Variants in CGNL1 observed in about 807,000 individuals in gnomAD.
CGNL1 encodes the protein cingulin-like protein 1.
In CGNL1, 132 loss-of-function variants were observed where a neutral mutation model predicts 141.2. That is an observed-to-expected ratio of 0.93 (90% confidence interval 0.81 to 1.08). The LOEUF is 1.08. Among genes scored for constraint, CGNL1 ranks in the 50% least tolerant of loss-of-function variants. The pLI, the probability that CGNL1 is intolerant of heterozygous loss-of-function variation, is 0.00. For synonymous variants in CGNL1, 690 were observed against 622.1 expected (o/e 1.11, Z -1.63); for missense variants, 1,870 against 1,588.6 (o/e 1.18, Z -3.01).
intron 1 of CGNL1, among the ~76,000 whole-genome samples, chr15:57,395,426 C>T (rs2062591643): frequency 6.6e-6 from 1 of 152,264 alleles, no homozygotes; most frequent in African/African-American, 2.4e-5. Context: ...ACCTCAGCAG[C>T]AGCATAACTA....
intron 1 of CGNL1, among the ~76,000 whole-genome samples, chr15:57,430,835 C>T (rs941962625): frequency 6.6e-6 from 1 of 152,236 alleles, no homozygotes; most frequent in Admixed American, 6.5e-5. Context: ...TTCTCCCTGC[C>T]TCAGCCTCCC....
chr15:57,406,776 C>G (rs1018286081), intron 1 of CGNL1, among the ~76,000 whole-genome samples: 4 of 152,180 alleles, frequency 2.6e-5, no homozygotes, highest in African/African-American at 9.6e-5. Context: ...AGTGAGTGTA[C>G]TGAATTATTT....
chr15:57,514,395 G>T (rs144129852), intron 8 of CGNL1, among the ~76,000 whole-genome samples: 1 of 152,102 alleles, frequency 6.6e-6, no homozygotes, highest in Non-Finnish European at 1.5e-5. Context: ...CAAGTGATCC[G>T]CCTGCCTGGG....
chr15:57,475,459 C>T (rs1048328051), intron 8 of CGNL1, among the ~76,000 whole-genome samples: 16 of 151,832 alleles, frequency 1.1e-4, no homozygotes, highest in African/African-American at 3.9e-4. Context: ...TCATGTCACT[C>T]TGAGAAACTG....
At chr15:57,488,741 C>G (rs118030743) in intron 8 of CGNL1, among the ~76,000 whole-genome samples, 3,064 of 152,340 alleles carry the variant, frequency 0.02, 38 homozygotes, top group Non-Finnish European at 0.028. Context: ...AGAAGCTAAA[C>G]AGGCCCTTAA....
At chr15:57,450,692 C>T (rs1239379501) in intron 4 of CGNL1, among the ~76,000 whole-genome samples, 6 of 152,172 alleles carry the variant, frequency 3.9e-5, no homozygotes, top group Non-Finnish European at 5.9e-5. Flanking sequence ...GGGGCTACCT[C>T]CTGTCTTTTC....
At chr15:57,418,697 G>C (rs1208765161) in intron 1 of CGNL1, among the ~76,000 whole-genome samples, 3 of 152,300 alleles carry the variant, frequency 2.0e-5, no homozygotes, top group Middle Eastern at 3.4e-3. Flanking sequence ...TTATGTACCT[G>C]TGATGTGATG....
intron 7 of CGNL1, among the ~76,000 whole-genome samples, chr15:57,461,355 G>A (rs2063443886): frequency 6.6e-6 from 1 of 152,174 alleles, no homozygotes; most frequent in Non-Finnish European, 1.5e-5. Context: ...AAGGGCAACA[G>A]ATCACTGCAC....
At chr15:57,420,031 G>T (rs1381964856) in intron 1 of CGNL1, among the ~76,000 whole-genome samples, 1 of 152,182 alleles carries the variant, frequency 6.6e-6, no homozygotes, top group Non-Finnish European at 1.5e-5. Context: ...GCCATTGGGA[G>T]ATCTTTTAGT....
intron 7 of CGNL1, 62 bp downstream of exon 7, chr15:57,453,880 G>C (rs948967872): frequency 6.3e-7 from 1 of 1,596,956 alleles, no homozygotes; most frequent in Admixed American, 1.7e-5. Flanking sequence ...AGATGGAGTG[G>C]CTAGGGTTTG....
chr15:57,396,517 C>T (rs1433769849), intron 1 of CGNL1, among the ~76,000 whole-genome samples: 1 of 151,986 alleles, frequency 6.6e-6, no homozygotes, highest in Non-Finnish European at 1.5e-5. Context: ...AAGTGATCTT[C>T]CTGCCTTGGC....
At chr15:57,430,178 G>A (rs2063027826) in intron 1 of CGNL1, among the ~76,000 whole-genome samples, 1 of 152,218 alleles carries the variant, frequency 6.6e-6, no homozygotes, top group Non-Finnish European at 1.5e-5. Flanking sequence ...ATCACTGACA[G>A]TCTGACTTTA....
At chr15:57,455,986 G>A (rs1182148553) in intron 7 of CGNL1, among the ~76,000 whole-genome samples, 5 of 152,210 alleles carry the variant, frequency 3.3e-5, no homozygotes, top group African/African-American at 9.6e-5. Flanking sequence ...TGCAAGATGA[G>A]TTAGAGTGTA....
intron 8 of CGNL1, among the ~76,000 whole-genome samples, chr15:57,493,569 A>G (rs1403050793): frequency 6.6e-6 from 1 of 152,220 alleles, no homozygotes; most frequent in Non-Finnish European, 1.5e-5. Context: ...AAAGAGATAC[A>G]TGATATCTGC....
At chr15:57,412,923 G>A (rs570737402) in intron 1 of CGNL1, among the ~76,000 whole-genome samples, 55 of 151,988 alleles carry the variant, frequency 3.6e-4, no homozygotes, top group Non-Finnish European at 6.8e-4. Context: ...ACAGTGGCGC[G>A]ATCTCGGCTC....
intron 8 of CGNL1, 42 bp from the exon 9 acceptor site, chr15:57,516,738 T>A (rs1242341627): frequency 6.3e-7 from 1 of 1,591,956 alleles, no homozygotes; most frequent in East Asian, 2.2e-5. Flanking sequence ...GACAGCTCCT[T>A]GACATCAGTC....
In CGNL1 at chr15:57,547,734, G is replaced by A. The variant is rs190707926; in HGVS notation, c.*244G>A. The stretch of plus-strand genomic sequence containing the variant: ...AGGAGCCACCACCCACTGGGGTGTT[G>A]TGAGAGATACACTTTGGTAGGCTGA... On this transcript the variant is annotated 3_prime_UTR_variant, in exon 19 of 19. Coordinates refer to ENST00000281282, the MANE Select transcript of CGNL1 (RefSeq NM_032866.5). 7 of 475,050 alleles carry A rather than the reference G, an allele frequency of 1.5e-5. No homozygotes were observed. In the East Asian group the frequency reaches 2.2e-4, roughly 15 times the overall value. 29.4% of individuals were successfully genotyped at this position (475,050 alleles called of 1,614,324 possible).
intron 8 of CGNL1, among the ~76,000 whole-genome samples, chr15:57,497,800 C>T (rs1420596093): frequency 1.3e-5 from 2 of 152,210 alleles, no homozygotes; most frequent in Non-Finnish European, 1.5e-5. Context: ...CATGCACACA[C>T]GGGCGGCGGC....
chr15:57,407,146 G>A (rs1221950306), intron 1 of CGNL1: 10 of 152,212 alleles, frequency 6.6e-5, no homozygotes, highest in African/African-American at 2.4e-4. Flanking sequence ...AGAATTTCAA[G>A]ACCTTCCGTT....
Sources: gnomAD v4.1 joint callset for allele counts (sites outside exome capture counted in the v4.1 genomes callset) on GRCh38, gnomAD v4.1.1 for gene constraint, MANE v1.5 for transcripts, NCBI Gene and HGNC (gene_info 2026-07-23, HGNC 2026-07-21) for gene names.